SLC24A1: variants seen among roughly 807,000 people sequenced by gnomAD.
The protein encoded by SLC24A1 is sodium/potassium/calcium exchanger 1.
A neutral mutation model predicts 88.1 loss-of-function variants in SLC24A1; 52 were observed. The ratio of observed to expected loss-of-function variants is 0.59; its 90% CI spans 0.47 to 0.74. The LOEUF (loss-of-function observed/expected upper bound fraction) is 0.74, where lower values mean the gene tolerates loss of function less well. Ranked by LOEUF, SLC24A1 falls within the 30% of genes least tolerant of loss-of-function variation. The probability of loss-of-function intolerance (pLI) is 0.00; values close to 1 mark genes in which losing one functional copy is unlikely to be tolerated. For synonymous variants in SLC24A1, 455 were observed against 498.0 expected, an observed-to-expected ratio of 0.91 and a Z score of 1.15; for missense variants, 1,173 against 1,363.3, an observed-to-expected ratio of 0.86 and a Z score of 2.20.
intron 4 of SLC24A1, among the ~76,000 whole-genome samples, chr15:65,640,242 C>T (rs1159585765): frequency 6.6e-6 from 1 of 152,144 alleles, no homozygotes; most frequent in Non-Finnish European, 1.5e-5. Context: ...CAACTCCTCC[C>T]CAAGTCTGGA....
chr15:65,640,660 ACT>A (rs2075094656), intron 4 of SLC24A1, among the ~76,000 whole-genome samples: 1 of 152,066 alleles, frequency 6.6e-6, no homozygotes, highest in African/African-American at 2.4e-5. Flanking sequence ...CCCAGGGAGC[ACT>A]CTGACTGACC....
chr15:65,613,538 A>C (rs1028168054), intron 2 of SLC24A1, among the ~76,000 whole-genome samples: 1 of 151,232 alleles, frequency 6.6e-6, no homozygotes, highest in Non-Finnish European at 1.5e-5. Flanking sequence ...GCTGGAGTGC[A>C]GTGGCATGGT....
chr15:65,659,319 CTGGT>C (rs2075774997), downstream of SLC24A1: 1 of 29,844 alleles, frequency 3.4e-5, no homozygotes, highest in African/African-American at 1.2e-4. Flanking sequence ...TTGATATTTT[CTGGT>C]TTTTTTTTTT....
chr15:65,622,652 C>T (rs951601680), intron 1 of SLC24A1, among the ~76,000 whole-genome samples: 1 of 152,048 alleles, frequency 6.6e-6, no homozygotes, highest in African/African-American at 2.4e-5. Context: ...CCTCAATGCC[C>T]TTCTTTATAA....
chr15:65,651,743 T>C lies in SLC24A1; in HGVS notation c.2867T>C (p.Val956Ala). Residue 956 changes from valine to alanine, a missense_variant, in exon 8 of 10, where the codon GTG (valine) becomes GCG (alanine). Physicochemically the swap from Val to Ala is moderately conservative, Grantham distance 64. Transcript: ENST00000261892. The part of the protein sequence containing the change: ...MWIAMFSYLM[V>A]WWAHQVGETI... Reference sequence around the variant, plus strand: ...ATAGCCATGTTCTCATACCTCATGGTGTGGTGGGCTCACCAGGTGAGTGAA... The same window carrying C: ...ATAGCCATGTTCTCATACCTCATGGCGTGGTGGGCTCACCAGGTGAGTGAA... 2 of 1,602,902 alleles carry C rather than the reference T, an allele frequency of 1.2e-6. No homozygotes were observed. Among genetic ancestry groups the C allele is most frequent in the Non-Finnish European group, 1.7e-6 (2 of 1,169,998 alleles).
At position 65,650,274 on chromosome 15, in the gene SLC24A1, G is replaced by A. The variant is rs2075450911; in HGVS notation, c.2233-108G>A. The A allele has an allele frequency of 2.3e-6, 2 of 883,964 alleles. No individual in the cohort carries two copies. Among genetic ancestry groups the A allele is most frequent in the Non-Finnish European group, 3.4e-6 (2 of 579,930 alleles). The allele number at this position is 883,964 out of a possible 1,614,324, so 54.8% of individuals were successfully genotyped here. On this transcript the variant is annotated intron_variant, in intron 6 of 9. Transcript: ENST00000261892. This position sits in a 1 kb window ranked among gnomAD's most constrained non-coding sequence, Gnocchi z 4.1. ...GCACTAGTTTTCTCCTCATACTTAAGTTTTCAGATACCTTCTGAGAAGCAC... is the reference window on the plus strand; with the variant it reads ...GCACTAGTTTTCTCCTCATACTTAAATTTTCAGATACCTTCTGAGAAGCAC...
intron 2 of SLC24A1, among the ~76,000 whole-genome samples, chr15:65,616,024 C>T (rs563519095): frequency 2.2e-4 from 34 of 152,048 alleles, no homozygotes; most frequent in African/African-American, 7.7e-4. Context: ...TCATGGTTTC[C>T]AGCTTCATCC....
At chr15:65,660,148 A>G (rs2075809148), downstream of SLC24A1, 1 of 627,590 alleles carries the variant, frequency 1.6e-6, no homozygotes. Context: ...AATAGTAAAG[A>G]ATAATATTGG....
chr15:65,656,122 G>A lies in SLC24A1; in HGVS notation c.*2043G>A, dbSNP rs1596361358. 1.0e-6 allele frequency: 1 copy of A among 985,388 alleles called. No individual in the cohort carries two copies. 61.0% of individuals were successfully genotyped at this position (985,388 alleles called of 1,614,324 possible). A position where few individuals can be genotyped will look rare whatever the true frequency, so the allele number is the denominator to read the frequency against. Reference sequence around the variant, plus strand: ...CTGCAGCCCGTTCCCGTTAGCCTCGGGGATGTCACCTCACCCACAGCCTGG... The same window carrying A: ...CTGCAGCCCGTTCCCGTTAGCCTCGAGGATGTCACCTCACCCACAGCCTGG... On this transcript the variant is annotated 3_prime_UTR_variant, in exon 10 of 10. Coordinates refer to ENST00000261892, the MANE Select transcript of SLC24A1 (RefSeq NM_004727.3).
At chr15:65,620,267 A>G (rs1353739743), upstream of SLC24A1, among the ~76,000 whole-genome samples, 1 of 152,148 alleles carries the variant, frequency 6.6e-6, no homozygotes, top group Admixed American at 6.6e-5. Flanking sequence ...TGATTGCACA[A>G]ATAAATACAC....
chr15:65,630,536 T>G (rs2074682998), intron 2 of SLC24A1, among the ~76,000 whole-genome samples: 1 of 152,174 alleles, frequency 6.6e-6, no homozygotes, highest in Admixed American at 6.5e-5. Context: ...GAACTCACTG[T>G]GCTGCCAAAG....
In SLC24A1 at chr15:65,625,716, T is replaced by C; in HGVS notation, c.1636T>C (p.Phe546Leu). The change falls in exon 2 of 10, where the codon TTC (phenylalanine) becomes CTC (leucine). Residue 546 changes from phenylalanine (F) to leucine (L), a missense_variant. By Grantham distance (22) the Phe-to-Leu change is conservative. Coordinates refer to ENST00000261892, the MANE Select transcript of SLC24A1 (RefSeq NM_004727.3). ...ILFVIGTCSLFSREILNLTWW... is the reference protein window; with the variant it reads ...ILFVIGTCSLLSREILNLTWW... ...CTTTGTCATTGGCACTTGTTCCCTC[T>C]TCTCCCGAGAGATCCTCAACCTCAC... 1.2e-6 allele frequency: 2 copies of C among 1,614,086 alleles called. No homozygotes were observed. Among genetic ancestry groups the C allele is most frequent in the Non-Finnish European group, 8.5e-7 (1 of 1,179,902 alleles).
chr15:65,652,525 C>T (rs769243038), intron 8 of SLC24A1, 117 bp from the exon 9 acceptor site: 59 of 868,480 alleles, frequency 6.8e-5, no homozygotes, highest in Non-Finnish European at 7.8e-5. Flanking sequence ...CTCACTCAGG[C>T]TGAGGGGGTG....
At chr15:65,635,492 T>TTGGGTGA (rs1416514364) in intron 2 of SLC24A1, among the ~76,000 whole-genome samples, 1 of 148,490 alleles carries the variant, frequency 6.7e-6, no homozygotes, top group Non-Finnish European at 1.5e-5. Context: ...AAAGAACTCT[T>TTGGGTGA]TGGGTGAGGG....
chr15:65,625,525 G>A lies in SLC24A1; in HGVS notation c.1445G>A (p.Gly482Asp), dbSNP rs199589503. 72 of 1,614,036 alleles carry A rather than the reference G, an allele frequency of 4.5e-5. No individual in the cohort carries two copies. The African/African-American group carries it at 8.8e-4, about 20-fold the overall frequency. ...GACGAGTACTTCGTTCCAGCCCTGG[G>A]TGTCATCACAGACAAGCTGCAGATC... Reference protein sequence around the residue: ...VCDEYFVPALGVITDKLQISE... With the variant: ...VCDEYFVPALDVITDKLQISE... Residue 482 changes from glycine (G) to aspartate (D), a missense_variant, in exon 2 of 10, where the codon GGT becomes GAT. Physicochemically the swap from Gly to Asp is moderately conservative, Grantham distance 94. Transcript: ENST00000261892.
intron 6 of SLC24A1, among the ~76,000 whole-genome samples, chr15:65,646,413 A>G (rs1483464453): frequency 6.6e-6 from 1 of 151,606 alleles, no homozygotes; most frequent in Non-Finnish European, 1.5e-5. Flanking sequence ...CTTGGCTCAC[A>G]TGGTTTTCTC....
At chr15:65,613,619 G>A (rs2074046494) in intron 2 of SLC24A1, among the ~76,000 whole-genome samples, 1 of 151,920 alleles carries the variant, frequency 6.6e-6, no homozygotes, top group Non-Finnish European at 1.5e-5. Flanking sequence ...CACGTAGCTG[G>A]GACTACAGGC....
upstream of SLC24A1, among the ~76,000 whole-genome samples, chr15:65,618,257 C>G (rs927411892): frequency 1.3e-5 from 2 of 152,048 alleles, no homozygotes; most frequent in African/African-American, 4.8e-5. Context: ...ATTATATAGA[C>G]TATATGATAT....
In SLC24A1 at chr15:65,654,176, G is replaced by C; in HGVS notation, c.*97G>C. 6.6e-7 allele frequency: 1 copy of C among 1,516,232 alleles called. No homozygotes were observed. The highest frequency in any genetic ancestry group is 8.8e-7 in the Non-Finnish European group (1 of 1,136,034). 93.9% of individuals were successfully genotyped at this position (1,516,232 alleles called of 1,614,324 possible). ...TAATGAAAGAATGTATATGATCCTG[G>C]AAAGTGAACTGGGTGACCTAGGACC... On this transcript the variant is annotated 3_prime_UTR_variant, in exon 10 of 10. Coordinates refer to ENST00000261892, the MANE Select transcript of SLC24A1 (RefSeq NM_004727.3).
Sources: allele counts gnomAD v4.1 joint callset (sites outside exome capture counted in the v4.1 genomes callset), GRCh38; gene constraint gnomAD v4.1.1; non-coding constraint Gnocchi (gnomAD v3.1); transcripts MANE v1.5; gene names NCBI Gene and HGNC (gene_info 2026-07-23, HGNC 2026-07-21).